DST: variants seen among roughly 807,000 people sequenced by gnomAD.
DST encodes dystonin.
DST carries 253 observed loss-of-function variants against 875.2 expected under a neutral mutation model. The ratio of observed to expected loss-of-function variants is 0.29; its 90% CI spans 0.26 to 0.32. The LOEUF is 0.32. Ranked by LOEUF, DST falls within the 10% of genes least tolerant of loss-of-function variation. The pLI, the probability that DST is intolerant of heterozygous loss-of-function variation, is 1.00. For missense variants in DST, 8,287 were observed against 9,111.6 expected, an observed-to-expected ratio of 0.91 and a Z score of 3.68; for synonymous variants, 3,124 against 3,197.1, an observed-to-expected ratio of 0.98 and a Z score of 0.77.
intron 47 of DST, among the ~76,000 whole-genome samples, chr6:56,595,786 C>T (rs72879285): frequency 0.3 from 43,057 of 141,256 alleles, 7,648 homozygotes; most frequent in Admixed American, 0.4. Flanking sequence ...GCTACCCCCA[C>T]CCCACCCCGA....
intron 4 of DST, among the ~76,000 whole-genome samples, chr6:56,829,557 A>G (rs1223642432): frequency 1.3e-5 from 2 of 152,182 alleles, no homozygotes; most frequent in Admixed American, 6.5e-5. Context: ...AATCAATAGT[A>G]GTTTCTACAA....
At chr6:56,943,647 G>A (rs1049590696) in intron 2 of DST, among the ~76,000 whole-genome samples, 1 of 151,678 alleles carries the variant, frequency 6.6e-6, no homozygotes, top group African/African-American at 2.4e-5. Context: ...TGGTCAGGCT[G>A]ATCTCAAACT....
At chr6:56,898,890 T>C (rs1170192297) in intron 3 of DST, among the ~76,000 whole-genome samples, 3 of 152,234 alleles carry the variant, frequency 2.0e-5, no homozygotes, top group African/African-American at 7.2e-5. Context: ...GCACAGAACA[T>C]GCATTATAAT....
chr6:56,516,162 AAAGAGAAAG>A (rs2096586687), intron 71 of DST, among the ~76,000 whole-genome samples: 2 of 138,680 alleles, frequency 1.4e-5, no homozygotes, highest in South Asian at 2.3e-4. Flanking sequence ...AGAAAGAGAG[AAAGAGAAAG>A]AGAAAGAAAG....
chr6:56,864,440 T>C (rs1209467722), intron 3 of DST, among the ~76,000 whole-genome samples: 1 of 149,588 alleles, frequency 6.7e-6, no homozygotes, highest in Non-Finnish European at 1.5e-5. Flanking sequence ...ATGACTCACC[T>C]TTACTACATT....
intron 86 of DST, among the ~76,000 whole-genome samples, chr6:56,488,690 T>C (rs909979202): frequency 6.6e-6 from 1 of 152,210 alleles, no homozygotes; most frequent in Non-Finnish European, 1.5e-5. Flanking sequence ...TTAAAAATTA[T>C]GTTTCAAGCG....
intron 5 of DST, among the ~76,000 whole-genome samples, chr6:56,725,277 C>T (rs770012990): frequency 6.6e-6 from 1 of 152,188 alleles, no homozygotes; most frequent in Non-Finnish European, 1.5e-5. Context: ...CTGAGGCAGA[C>T]TCCAGGTATG....
chr6:56,614,214 A>T, intron 37 of DST, 142 bp downstream of exon 37: 1 of 680,144 alleles, frequency 1.5e-6, no homozygotes, highest in Non-Finnish European at 2.2e-6. Flanking sequence ...CAAGTTATTT[A>T]ATCTTTCTGA....
At chr6:56,521,872 A>G (rs1244596233) in intron 69 of DST, among the ~76,000 whole-genome samples, 1 of 152,124 alleles carries the variant, frequency 6.6e-6, no homozygotes, top group Non-Finnish European at 1.5e-5. Flanking sequence ...AGCAACATGG[A>G]GAGAAATACA....
At position 56,632,842 on chromosome 6, in the gene DST, C is replaced by A. The variant is rs1187216189; in HGVS notation, c.3805+12G>T. ...CTATGGGGAAAAAAAGACAGGGATC[C>A]CCATGCTTTACCTCTTTCTGCAGAT... is the stretch of plus-strand genomic sequence containing the variant. On this transcript the variant is annotated intron_variant, in intron 28 of 103. Coordinates refer to ENST00000680361, the MANE Select transcript of DST (RefSeq NM_001374736.1). 3.1e-6 allele frequency: 5 copies of A among 1,612,064 alleles called. No individual in the cohort carries two copies. The highest frequency in any genetic ancestry group is 4.2e-6 in the Non-Finnish European group (5 of 1,178,732).
At chr6:56,652,555 T>C (rs1487249874) in intron 10 of DST, among the ~76,000 whole-genome samples, 2 of 152,238 alleles carry the variant, frequency 1.3e-5, no homozygotes, top group Non-Finnish European at 2.9e-5. Context: ...GATTATTTTG[T>C]ATACTACTTG....
intron 3 of DST, chr6:56,871,676 G>C (rs1458267211): frequency 2.7e-5 from 19 of 707,950 alleles, no homozygotes; most frequent in Middle Eastern, 4.1e-4. Context: ...AACCAGAAGA[G>C]GGGGTTGCCT....
At chr6:56,709,125 T>C (rs1027655527) in intron 5 of DST, among the ~76,000 whole-genome samples, 1 of 152,210 alleles carries the variant, frequency 6.6e-6, no homozygotes, top group East Asian at 1.9e-4. Flanking sequence ...TTTCTGTATT[T>C]CACACAATTC....
intron 2 of DST, among the ~76,000 whole-genome samples, chr6:56,934,033 A>G (rs1405977705): frequency 6.6e-6 from 1 of 151,982 alleles, no homozygotes; most frequent in South Asian, 2.1e-4. Context: ...ATACATATAT[A>G]TATTTTTTAT....
At chr6:56,745,255 C>G (rs1042247539) in intron 4 of DST, among the ~76,000 whole-genome samples, 17 of 152,230 alleles carry the variant, frequency 1.1e-4, no homozygotes, top group African/African-American at 4.1e-4. Flanking sequence ...CAAAGTCCCA[C>G]ATACATAAAG....
chr6:56,565,036 G>A (rs921605597), intron 55 of DST, among the ~76,000 whole-genome samples: 3 of 151,656 alleles, frequency 2.0e-5, no homozygotes, highest in Non-Finnish European at 4.4e-5. Context: ...CTGTTTTTGT[G>A]TCTCTGCCAG....
intron 9 of DST, among the ~76,000 whole-genome samples, chr6:56,691,616 G>T (rs2099230292): frequency 6.6e-6 from 1 of 152,080 alleles, no homozygotes; most frequent in South Asian, 2.1e-4. Flanking sequence ...AGGTTATGTG[G>T]ATAATACATT....
chr6:56,646,452 T>G (rs566922026), intron 13 of DST, among the ~76,000 whole-genome samples: 3 of 152,316 alleles, frequency 2.0e-5, no homozygotes, highest in African/African-American at 7.2e-5. Context: ...TGTTTACTAG[T>G]GCTCTACTAA....
intron 4 of DST, among the ~76,000 whole-genome samples, chr6:56,828,655 T>C (rs1417101996): frequency 6.6e-6 from 1 of 152,232 alleles, no homozygotes; most frequent in Non-Finnish European, 1.5e-5. Flanking sequence ...GTTTAGAGCT[T>C]GCTTTTTCCT....
Sources: gnomAD v4.1 joint callset for allele counts (sites outside exome capture counted in the v4.1 genomes callset) on GRCh38, gnomAD v4.1.1 for gene constraint, MANE v1.5 for transcripts, NCBI Gene and HGNC (gene_info 2026-07-23, HGNC 2026-07-21) for gene names.